Variants in MYOF observed in about 807,000 individuals in gnomAD.
MYOF encodes myoferlin.
A neutral mutation model predicts 284.2 loss-of-function variants in MYOF; 244 were observed. The observed-to-expected ratio is 0.86, with a 90% CI of 0.77 to 0.95. The LOEUF (loss-of-function observed/expected upper bound fraction) is 0.95. MYOF is among the 40% of genes least tolerant of loss of function. MYOF has a pLI of 0.00. For missense variants in MYOF, 2,496 were observed against 2,560.6 expected, an observed-to-expected ratio of 0.97 and a Z score of 0.54; for synonymous variants, 904 against 919.7, an observed-to-expected ratio of 0.98 and a Z score of 0.31.
chr10:93,333,983 C>A, intron 41 of MYOF, 70 bp from the exon 42 acceptor site: 1 of 1,497,226 alleles, frequency 6.7e-7, no homozygotes, highest in Non-Finnish European at 9.1e-7. Context: ...GGGAAGTCCC[C>A]TCCTCCGCCA....
chr10:93,351,109 C>G (rs894105223), intron 35 of MYOF, 88 bp downstream of exon 35: 42 of 1,374,092 alleles, frequency 3.1e-5, no homozygotes, highest in Non-Finnish European at 4.2e-5. Flanking sequence ...AGAAAATATG[C>G]AGCAGGATTC....
chr10:93,333,083 T>TG, intron 43 of MYOF, 138 bp downstream of exon 43: 2 of 711,538 alleles, frequency 2.8e-6, no homozygotes, highest in Non-Finnish European at 4.9e-6. Context: ...ATTTATTACC[T>TG]GCTCCCCTGT....
rs747382999 is a variant in MYOF at position 93,347,670 on chromosome 10, C to T, written c.4196G>A (p.Arg1399His). 3.7e-6 allele frequency: 6 copies of T among 1,613,902 alleles called. No homozygotes were observed. Among genetic ancestry groups the T allele is most frequent in the Admixed American group, 3.3e-5 (2 of 59,996 alleles). ...VGQCTIERLD[R>H]FRCDPYAGKE... ...CCCTGCATAAGGGTCACAGCGAAAGCGGTCCAGGCGCTCGATGGTGCACTG... is the reference window on the plus strand; with the variant it reads ...CCCTGCATAAGGGTCACAGCGAAAGTGGTCCAGGCGCTCGATGGTGCACTG... The change falls in exon 37 of 54, where the codon CGC becomes CAC. Residue 1399 changes from arginine to histidine, a missense_variant. By Grantham distance (29) the Arg-to-His change is conservative. This residue lies in a region of MYOF where 2,436 missense variants were observed against 2,480.7 expected (regional missense o/e 0.98). Coordinates refer to ENST00000359263, the MANE Select transcript of MYOF (RefSeq NM_013451.4).
At chr10:93,441,997 AAC>A (rs34488205) in intron 3 of MYOF, among the ~76,000 whole-genome samples, 14,098 of 132,868 alleles carry the variant, frequency 0.11, 1,536 homozygotes, top group East Asian at 0.56. Context: ...CCTCAACCTG[AAC>A]ACACACACAC....
chr10:93,480,673 G>T (rs1394958834), intron 1 of MYOF, among the ~76,000 whole-genome samples: 2 of 151,552 alleles, frequency 1.3e-5, no homozygotes, highest in African/African-American at 4.9e-5. Flanking sequence ...ATGGGGTTTT[G>T]CCATGTTGGC....
At chr10:93,365,144 T>C (rs1845270144) in intron 26 of MYOF, among the ~76,000 whole-genome samples, 1 of 152,204 alleles carries the variant, frequency 6.6e-6, no homozygotes, top group African/African-American at 2.4e-5. Flanking sequence ...GCAAGCACGT[T>C]TGGGTCTTAA....
At chr10:93,335,703 C>CT (rs1011985422) in intron 41 of MYOF, among the ~76,000 whole-genome samples, 2 of 151,152 alleles carry the variant, frequency 1.3e-5, no homozygotes, top group African/African-American at 4.8e-5. Flanking sequence ...CCCCCTCCCC[C>CT]TTTTCCTTTC....
intron 25 of MYOF, among the ~76,000 whole-genome samples, chr10:93,369,372 G>A (rs986080474): frequency 6.6e-5 from 10 of 152,050 alleles, no homozygotes; most frequent in Non-Finnish European, 1.5e-4. Flanking sequence ...AGTATTGCTA[G>A]TAAGATTGTG....
At chr10:93,460,166 G>A (rs1471795112) in intron 1 of MYOF, among the ~76,000 whole-genome samples, 1 of 152,174 alleles carries the variant, frequency 6.6e-6, no homozygotes. Flanking sequence ...CCAAGGCAGG[G>A]ACAAGGGCTC....
At chr10:93,449,076 G>C (rs544582075) in intron 3 of MYOF, among the ~76,000 whole-genome samples, 1 of 152,228 alleles carries the variant, frequency 6.6e-6, no homozygotes, top group African/African-American at 2.4e-5. Flanking sequence ...CCAATATGGT[G>C]GCCACTAGCT....
intron 25 of MYOF, among the ~76,000 whole-genome samples, chr10:93,369,267 G>A (rs77426485): frequency 1.4e-5 from 1 of 72,998 alleles, no homozygotes; most frequent in African/African-American, 6.0e-5. Context: ...TGGTGTGTGT[G>A]TGTGTGTGTA....
chr10:93,412,641 G>C (rs1847945578), intron 5 of MYOF, among the ~76,000 whole-genome samples: 1 of 152,236 alleles, frequency 6.6e-6, no homozygotes, highest in African/African-American at 2.4e-5. Context: ...CTACTCCCAG[G>C]CATTTCAGAA....
At chr10:93,359,680 G>C (rs1390686463) in intron 29 of MYOF, among the ~76,000 whole-genome samples, 153 bp downstream of exon 29, 6 of 152,210 alleles carry the variant, frequency 3.9e-5, no homozygotes, top group Admixed American at 6.5e-5. Context: ...TGATGATATT[G>C]CTGGCTGGGG....
intron 21 of MYOF, among the ~76,000 whole-genome samples, chr10:93,378,665 G>T (rs920899751): frequency 7.8e-6 from 1 of 128,146 alleles, no homozygotes; most frequent in Non-Finnish European, 1.6e-5. Context: ...TAGTATATGT[G>T]TATATGTGTG....
chr10:93,420,828 C>T (rs1219941178), intron 5 of MYOF, among the ~76,000 whole-genome samples: 1 of 152,106 alleles, frequency 6.6e-6, no homozygotes, highest in Admixed American at 6.5e-5. Context: ...GAAAGAAAAA[C>T]AAGCTCAAAT....
At chr10:93,324,036 C>G (rs1589386915) in intron 46 of MYOF, among the ~76,000 whole-genome samples, 1 of 152,194 alleles carries the variant, frequency 6.6e-6, no homozygotes, top group Non-Finnish European at 1.5e-5. Flanking sequence ...AGGTAAGTGG[C>G]TAGCAGGAAG....
intron 51 of MYOF, among the ~76,000 whole-genome samples, chr10:93,312,555 T>C (rs1415651738): frequency 1.3e-5 from 2 of 152,106 alleles, no homozygotes; most frequent in Admixed American, 6.6e-5. Context: ...AGACGGTGTT[T>C]TGCCACGTTG....
chr10:93,355,394 G>A (rs1844747962), intron 31 of MYOF, among the ~76,000 whole-genome samples: 1 of 152,132 alleles, frequency 6.6e-6, no homozygotes, highest in African/African-American at 2.4e-5. Flanking sequence ...AGGAGGTCGA[G>A]ACCAGCCTGG....
intron 1 of MYOF, among the ~76,000 whole-genome samples, chr10:93,461,549 A>G (rs1210195954): frequency 6.6e-6 from 1 of 152,190 alleles, no homozygotes. Context: ...TGAGAATTCA[A>G]GGGCAAGGAG....
Sources: allele counts gnomAD v4.1 joint callset (sites outside exome capture counted in the v4.1 genomes callset), GRCh38; gene constraint gnomAD v4.1.1; regional missense constraint gnomAD v4.1.1; transcripts MANE v1.5; gene names NCBI Gene and HGNC (gene_info 2026-07-23, HGNC 2026-07-21).